KLHL32: variants seen among roughly 807,000 people sequenced by gnomAD.
KLHL32 encodes the protein kelch like family member 32, also known as kelch-like protein 32.
KLHL32 carries 35 observed loss-of-function variants against 64.8 expected under a neutral mutation model. That is an observed-to-expected ratio of 0.54 (90% CI 0.41 to 0.72). The LOEUF (loss-of-function observed/expected upper bound fraction) is 0.72. Among genes scored for constraint, KLHL32 ranks in the 30% least tolerant of loss-of-function variants. The pLI, the probability that KLHL32 is intolerant of heterozygous loss-of-function variation, is 0.00. For synonymous variants in KLHL32, 259 were observed against 281.0 expected (o/e 0.92, Z 0.78); for missense variants, 589 against 768.5 (o/e 0.77, Z 2.76).
chr6:96,937,716 C>G (rs1770784698), intron 1 of KLHL32, among the ~76,000 whole-genome samples: 1 of 152,088 alleles, frequency 6.6e-6, no homozygotes, highest in Non-Finnish European at 1.5e-5. Context: ...CTCCCGTGTC[C>G]CCCTCTACCC....
At chr6:96,926,414 AC>A (rs1769168114) in intron 1 of KLHL32, among the ~76,000 whole-genome samples, 1 of 152,232 alleles carries the variant, frequency 6.6e-6, no homozygotes, top group Admixed American at 6.5e-5. Context: ...ATTTTACATT[AC>A]AGTGTAGAAA....
At chr6:97,054,153 T>G (rs1406379319) in intron 4 of KLHL32, among the ~76,000 whole-genome samples, 1 of 152,156 alleles carries the variant, frequency 6.6e-6, no homozygotes, top group Non-Finnish European at 1.5e-5. Context: ...TCAGGATAAA[T>G]AATTTGCTAA....
chr6:97,000,376 T>A lies in KLHL32; in HGVS notation c.204+24199T>A, dbSNP rs560382160. 6.8e-4 allele frequency among the ~76,000 whole-genome samples: 104 copies of A among 152,292 alleles called. 1 individual carries two copies. Among genetic ancestry groups the A allele is most frequent in the Non-Finnish European group, 1.1e-3 (78 of 68,014 alleles). ...ATGAACTACATTGTTACACACTGTG[T>A]CAGTTCAATGGGCATTTTTTGACAG... is the stretch of plus-strand genomic sequence containing the variant. On this transcript the variant is annotated intron_variant, in intron 3 of 10. Transcript: ENST00000369261.
intron 2 of KLHL32, among the ~76,000 whole-genome samples, chr6:96,971,004 A>T (rs1441338474): frequency 1.3e-5 from 2 of 151,172 alleles, no homozygotes; most frequent in Non-Finnish European, 2.9e-5. Context: ...GAATTGAGAT[A>T]ATTATGCATA....
intron 1 of KLHL32, among the ~76,000 whole-genome samples, chr6:96,927,588 A>G (rs888682556): frequency 6.6e-6 from 1 of 152,158 alleles, no homozygotes; most frequent in Non-Finnish European, 1.5e-5. Flanking sequence ...TTTTATTTAC[A>G]TTGTCTCTTT....
chr6:97,070,748 TTTC>T (rs997027833), intron 5 of KLHL32, among the ~76,000 whole-genome samples: 1 of 152,186 alleles, frequency 6.6e-6, no homozygotes, highest in Non-Finnish European at 1.5e-5. Context: ...AGTATGCATT[TTTC>T]TTCTTAAAAA....
chr6:97,057,930 A>G (rs536308298), intron 4 of KLHL32, among the ~76,000 whole-genome samples: 4 of 152,298 alleles, frequency 2.6e-5, no homozygotes, highest in Admixed American at 2.6e-4. Context: ...AGGATTTGAG[A>G]GCTGTGTCCA....
At chr6:97,115,677 A>C (rs1437459200) in intron 7 of KLHL32, among the ~76,000 whole-genome samples, 4 of 152,198 alleles carry the variant, frequency 2.6e-5, no homozygotes, top group Admixed American at 1.3e-4. Context: ...AGTTTTGAGA[A>C]AGGCCCTAAG....
chr6:96,944,621 G>A (rs1006246668), intron 1 of KLHL32, among the ~76,000 whole-genome samples: 1 of 152,172 alleles, frequency 6.6e-6, no homozygotes, highest in Non-Finnish European at 1.5e-5. Flanking sequence ...AAAGTATTGT[G>A]GGGGATGTAG....
In KLHL32 at chr6:96,939,566, C is replaced by T. The variant is rs1015728287; in HGVS notation, c.-66+14540C>T. On this transcript the variant is annotated intron_variant, in intron 1 of 10. Coordinates refer to ENST00000369261, the MANE Select transcript of KLHL32 (RefSeq NM_052904.4). ...CTAAGGGGGTTTGAAGGACATGAGG[C>T]ATCAGTGAGGCAAAATGGAGAGATT... Among the ~76,000 whole-genome samples, 4 of 152,066 alleles carry T rather than the reference C, an allele frequency of 2.6e-5. No homozygotes were observed. In the East Asian group the frequency reaches 7.7e-4, roughly 29 times the overall value.
At chr6:96,988,242 C>G (rs1418981348) in intron 3 of KLHL32, among the ~76,000 whole-genome samples, 1 of 151,980 alleles carries the variant, frequency 6.6e-6, no homozygotes, top group Non-Finnish European at 1.5e-5. Context: ...ACAATGAACT[C>G]AAACAAATCT....
chr6:96,967,316 CT>C (rs1266876042), intron 2 of KLHL32, among the ~76,000 whole-genome samples: 1 of 151,982 alleles, frequency 6.6e-6, no homozygotes, highest in Non-Finnish European at 1.5e-5. Flanking sequence ...ATTTTTTAAT[CT>C]TTTTTTCTTA....
intron 5 of KLHL32, among the ~76,000 whole-genome samples, chr6:97,083,768 T>TATA (rs1431936326): frequency 6.6e-6 from 1 of 152,252 alleles, no homozygotes; most frequent in Admixed American, 6.5e-5. Context: ...GCACTCTTTC[T>TATA]ATAACAGCAG....
chr6:96,898,845 G>A, the KLHL32 span, among the ~76,000 whole-genome samples: 1 of 152,212 alleles, frequency 6.6e-6, no homozygotes, highest in Non-Finnish European at 1.5e-5. Flanking sequence ...CAGGAAGGAA[G>A]CAGTAGGAAG....
intron 4 of KLHL32, 39 bp downstream of exon 4, chr6:97,041,638 A>C: frequency 8.7e-7 from 1 of 1,143,734 alleles, no homozygotes; most frequent in African/African-American, 1.5e-5. Flanking sequence ...TTAACATTTC[A>C]ACTACATCTA....
chr6:97,061,900 A>G (rs1788974151), intron 4 of KLHL32, among the ~76,000 whole-genome samples: 1 of 152,212 alleles, frequency 6.6e-6, no homozygotes, highest in Non-Finnish European at 1.5e-5. Context: ...ACAAAGCTGA[A>G]TCAAAAGCCT....
chr6:97,032,467 T>A (rs1783697846), intron 3 of KLHL32, among the ~76,000 whole-genome samples: 1 of 152,238 alleles, frequency 6.6e-6, no homozygotes. Flanking sequence ...ATGCCAGTGT[T>A]ATCCTGATTA....
chr6:97,040,766 T>TG (rs950264886), intron 3 of KLHL32, among the ~76,000 whole-genome samples: 3 of 152,182 alleles, frequency 2.0e-5, no homozygotes, highest in African/African-American at 4.8e-5. Context: ...AATTGGATCA[T>TG]GGGGGCGATT....
chr6:96,915,678 C>T, the KLHL32 span, among the ~76,000 whole-genome samples: 1 of 151,718 alleles, frequency 6.6e-6, no homozygotes, highest in African/African-American at 2.4e-5. Flanking sequence ...ATGGATAATA[C>T]TCATAGAATT....
Sources: allele counts gnomAD v4.1 joint callset (sites outside exome capture counted in the v4.1 genomes callset), GRCh38; gene constraint gnomAD v4.1.1; transcripts MANE v1.5; gene names NCBI Gene and HGNC (gene_info 2026-07-23, HGNC 2026-07-21).